The following UNC80 variants were observed in gnomAD, a reference collection of about 807,000 sequenced individuals.
UNC80 encodes the protein unc-80 subunit of NALCN channel complex.
In UNC80, 164 loss-of-function variants were observed where a neutral mutation model predicts 384.6. That is an observed-to-expected ratio of 0.43 (90% CI 0.38 to 0.49). The LOEUF is 0.49. Ranked by LOEUF, UNC80 falls within the 20% of genes least tolerant of loss-of-function variation. The pLI is 0.00. For missense variants in UNC80, 3,330 were observed against 4,143.0 expected, an observed-to-expected ratio of 0.80 and a Z score of 5.39; for synonymous variants, 1,486 against 1,527.8, an observed-to-expected ratio of 0.97 and a Z score of 0.64.
intron 36 of UNC80, 108 bp from the exon 37 acceptor site, chr2:209,929,763 C>G (rs1445168155): frequency 1.3e-5 from 10 of 767,346 alleles, no homozygotes; most frequent in Non-Finnish European, 2.0e-5. Context: ...GTTCACAGAG[C>G]CTTTTAAGGC....
intron 22 of UNC80, among the ~76,000 whole-genome samples, chr2:209,853,849 C>T (rs890459729): frequency 6.6e-6 from 1 of 151,976 alleles, no homozygotes; most frequent in African/African-American, 2.4e-5. Flanking sequence ...AGTATAAGAC[C>T]ATCCATAGGA....
Position 209,978,542 on chromosome 2 carries a change from G to C in UNC80, c.8952G>C (p.Lys2984Asn). ...CGCATCCTCTAGCCTACCAAGGCAAGACATCCATCAGTACCGTGGGCACCT... is the reference window on the plus strand; with the variant it reads ...CGCATCCTCTAGCCTACCAAGGCAACACATCCATCAGTACCGTGGGCACCT... ...AVHSGSAYQG[K>N]TSISTVGTST... The change falls in exon 59 of 65, where the codon AAG becomes AAC. Residue 2984 changes from lysine (K) to asparagine (N), a missense_variant. This residue lies in a region of UNC80 where 216 missense variants were observed against 245.3 expected (regional missense o/e 0.88). Transcript: ENST00000673920. 4.5e-6 allele frequency: 7 copies of C among 1,545,012 alleles called. No homozygotes were observed. The highest frequency in any genetic ancestry group is 6.1e-6 in the Non-Finnish European group (7 of 1,141,794).
chr2:209,935,882 A>C, intron 40 of UNC80, 74 bp downstream of exon 40: 2 of 885,700 alleles, frequency 2.3e-6, no homozygotes, highest in Non-Finnish European at 3.4e-6. Context: ...CCATTTTAGA[A>C]TAAAATGGCA....
intron 56 of UNC80, 70 bp downstream of exon 56, chr2:209,973,340 A>C: frequency 1.6e-6 from 2 of 1,277,726 alleles, no homozygotes; most frequent in Non-Finnish European, 2.1e-6. Context: ...ATATATGTGT[A>C]GATAGATAGA....
At chr2:209,918,767 CAG>C (rs751015871) in intron 33 of UNC80, 104 bp downstream of exon 33, 176 of 1,272,140 alleles carry the variant, frequency 1.4e-4, no homozygotes, top group Admixed American at 3.7e-4. Flanking sequence ...AATAATAACA[CAG>C]AAAGTCAGCA....
At chr2:209,899,064 C>A (rs192143944) in intron 28 of UNC80, among the ~76,000 whole-genome samples, 1 of 152,100 alleles carries the variant, frequency 6.6e-6, no homozygotes, top group Non-Finnish European at 1.5e-5. Context: ...TTATTGTGAA[C>A]AGTGCCACAA....
In UNC80 at chr2:209,973,169, T is replaced by C. The variant is rs1302717831; in HGVS notation, c.8486T>C (p.Met2829Thr). The stretch of plus-strand genomic sequence containing the variant: ...AGCACATCCAGGAGCAAGAACTTCA[T>C]GTTAGAGAGCTCCCCAGCCCACTGC... Reference protein sequence around the residue: ...IISTSRSKNFMLESSPAHCST... With the variant: ...IISTSRSKNFTLESSPAHCST... The change falls in exon 56 of 65, where the codon ATG becomes ACG. Residue 2829 changes from methionine to threonine, a missense_variant. Physicochemically the swap from Met to Thr is moderately conservative, Grantham distance 81. Around this residue, in one of 8 missense-constraint regions of UNC80, gnomAD observed 1,049 missense variants for 1,488.6 expected, o/e 0.70. Coordinates refer to ENST00000673920, the MANE Select transcript of UNC80 (RefSeq NM_001371986.1). The C allele has an allele frequency of 1.3e-6, 2 of 1,551,654 alleles. No individual in the cohort carries two copies. Among genetic ancestry groups the C allele is most frequent in the Non-Finnish European group, 1.7e-6 (2 of 1,146,996 alleles).
rs765291296 is a variant in UNC80, at chr2:209,786,139, G to A, written c.674G>A (p.Gly225Glu). 1.9e-6 allele frequency: 3 copies of A among 1,613,980 alleles called. No homozygotes were observed. The highest frequency in any genetic ancestry group is 1.1e-5 in the South Asian group (1 of 91,062). The change falls in exon 5 of 65, where the codon GGA (glycine) becomes GAA (glutamate). Residue 225 changes from glycine to glutamate, a missense_variant. This residue lies in a region of UNC80 where 937 missense variants were observed against 1,026.8 expected (regional missense o/e 0.91). Coordinates refer to ENST00000673920, the MANE Select transcript of UNC80 (RefSeq NM_001371986.1). The part of the protein sequence containing the change: ...WQPMWEHRQP[G>E]VSGFTALVKP... Reference sequence around the variant, plus strand: ...CCCATGTGGGAACACAGACAGCCCGGAGTCTCTGGCTTTACCGCACTGGTG... The same window carrying A: ...CCCATGTGGGAACACAGACAGCCCGAAGTCTCTGGCTTTACCGCACTGGTG...
intron 7 of UNC80, chr2:209,796,331 T>G: frequency 6.6e-6 from 1 of 152,274 alleles, no homozygotes; most frequent in East Asian, 1.9e-4. Context: ...ACTAACTTGC[T>G]TTTGATTTTA....
At chr2:209,882,710 A>G (rs1375134827) in intron 25 of UNC80, among the ~76,000 whole-genome samples, 1 of 152,176 alleles carries the variant, frequency 6.6e-6, no homozygotes, top group Non-Finnish European at 1.5e-5. Flanking sequence ...CAGCATTCTA[A>G]TGATGTTGAA....
intron 51 of UNC80, among the ~76,000 whole-genome samples, chr2:209,962,214 A>T (rs1575155023): frequency 6.6e-6 from 1 of 152,210 alleles, no homozygotes; most frequent in African/African-American, 2.4e-5. Flanking sequence ...TAATATTTTT[A>T]AGTTTTATGG....
At position 209,816,892 on chromosome 2, in the gene UNC80, A is replaced by G; in HGVS notation, c.1336-17A>G. ...TTCTTTGCCCTGTGCCTAATTCTAC[A>G]CCTCTCATCACTGTAGTTCAAGAGC... On this transcript the variant is annotated splice_polypyrimidine_tract_variant and intron_variant, in intron 9 of 64. Transcript: ENST00000673920. 6.4e-7 allele frequency: 1 copy of G among 1,550,962 alleles called. No homozygotes were observed. The highest frequency in any genetic ancestry group is 8.7e-7 in the Non-Finnish European group (1 of 1,146,406).
chr2:209,776,644 C>T (rs1574398331), intron 3 of UNC80, among the ~76,000 whole-genome samples: 2 of 152,148 alleles, frequency 1.3e-5, no homozygotes, highest in Admixed American at 6.5e-5. Context: ...AAGACCTTCA[C>T]CTGCCCAAGA....
At position 209,921,661 on chromosome 2, in the gene UNC80, G is replaced by T. The variant is rs772167809; in HGVS notation, c.5505G>T (p.Thr1835=). The T allele has an allele frequency of 4.5e-6, 7 of 1,550,990 alleles. No homozygotes were observed. The highest frequency in any genetic ancestry group is 5.2e-6 in the Non-Finnish European group (6 of 1,146,730). ...AGGCTTGCTATGAGCCCACATGCAC[G>T]CCCAACTCAGAACCGGAAGAAGAAG... is the stretch of plus-strand genomic sequence containing the variant. The part of the protein sequence containing the change: ...TQEACYEPTC[T]PNSEPEEEVE... The change falls in exon 34 of 65, where the codon ACG becomes ACT. Residue 1835 remains threonine, a synonymous_variant. Coordinates refer to ENST00000673920, the MANE Select transcript of UNC80 (RefSeq NM_001371986.1).
At chr2:209,914,627 T>TAC (rs2089313348) in intron 31 of UNC80, among the ~76,000 whole-genome samples, 2 of 145,432 alleles carry the variant, frequency 1.4e-5, no homozygotes, top group Non-Finnish European at 1.5e-5. Context: ...TTTAAGTTTC[T>TAC]CAGGAATCCT....
intron 28 of UNC80, among the ~76,000 whole-genome samples, chr2:209,898,615 G>A (rs2087045976): frequency 6.6e-6 from 1 of 152,126 alleles, no homozygotes; most frequent in African/African-American, 2.4e-5. Context: ...TATCGTTTGT[G>A]TTACAGACAA....
intron 22 of UNC80, among the ~76,000 whole-genome samples, chr2:209,870,151 G>T (rs2084171226): frequency 6.6e-6 from 1 of 152,076 alleles, no homozygotes; most frequent in Non-Finnish European, 1.5e-5. Flanking sequence ...TCCTGAAGGA[G>T]CCAGGGTTCA....
At chr2:209,846,936 A>G (rs1177774360) in intron 21 of UNC80, among the ~76,000 whole-genome samples, 3 of 152,118 alleles carry the variant, frequency 2.0e-5, no homozygotes, top group Non-Finnish European at 2.9e-5. Context: ...AATATGTACA[A>G]TGAGGAATTA....
chr2:209,907,664 G>A (rs537461950), intron 29 of UNC80, among the ~76,000 whole-genome samples: 2 of 152,318 alleles, frequency 1.3e-5, no homozygotes, highest in East Asian at 3.9e-4. Flanking sequence ...GTGGGACCAT[G>A]GGAAGGCTTT....
Sources: allele counts gnomAD v4.1 joint callset (sites outside exome capture counted in the v4.1 genomes callset), GRCh38; gene constraint gnomAD v4.1.1; regional missense constraint gnomAD v4.1.1; transcripts MANE v1.5; gene names NCBI Gene and HGNC (gene_info 2026-07-23, HGNC 2026-07-21).